Variants in ZBTB8OS observed in about 807,000 individuals in gnomAD.
ZBTB8OS encodes the protein tRNA splicing ligase complex subunit 1, also known as tRNA-splicing ligase-activating factor archease.
A neutral mutation model predicts 29.3 loss-of-function variants in ZBTB8OS; 16 were observed. The observed-to-expected ratio is 0.55, with a 90% CI of 0.37 to 0.83. ZBTB8OS has a LOEUF of 0.83. Ranked by LOEUF, ZBTB8OS falls within the 40% of genes least tolerant of loss-of-function variation. The pLI, the probability that ZBTB8OS is intolerant of heterozygous loss-of-function variation, is 0.00. For synonymous variants in ZBTB8OS, 70 were observed against 64.6 expected (o/e 1.08, Z -0.40); for missense variants, 160 against 196.9 (o/e 0.81, Z 1.12).
chr1:32,634,683 A>T, intron 2 of ZBTB8OS, 85 bp downstream of exon 2: 1 of 1,578,252 alleles, frequency 6.3e-7, no homozygotes. Flanking sequence ...GAGAGGAGAA[A>T]AATTAAAGAT....
At chr1:32,644,068 G>A (rs1646646385) in intron 1 of ZBTB8OS, among the ~76,000 whole-genome samples, 1 of 152,106 alleles carries the variant, frequency 6.6e-6, no homozygotes, top group South Asian at 2.1e-4. Context: ...GGGAGGGGGG[G>A]TCTAGTTAAA....
chr1:32,628,343 C>T (rs1180989275), intron 5 of ZBTB8OS, among the ~76,000 whole-genome samples: 3 of 131,972 alleles, frequency 2.3e-5, no homozygotes, highest in East Asian at 4.7e-4. Flanking sequence ...GGCAACAGAG[C>T]GAAATGAAAA....
intron 5 of ZBTB8OS, among the ~76,000 whole-genome samples, chr1:32,631,312 A>C (rs1433017372): frequency 1.3e-5 from 2 of 150,980 alleles, no homozygotes; most frequent in Admixed American, 6.6e-5. Flanking sequence ...CCATGACCAC[A>C]CCACTGTACT....
chr1:32,643,868 G>A (rs908004238), intron 1 of ZBTB8OS, among the ~76,000 whole-genome samples: 4 of 150,650 alleles, frequency 2.7e-5, no homozygotes, highest in Non-Finnish European at 4.4e-5. Flanking sequence ...TGCACAGGTT[G>A]CTCAAACTCC....
Position 32,633,720 on chromosome 1 carries a change from G to T in ZBTB8OS, c.252C>A (p.Asp84Glu). ...QTVEVETQGD[D>E]LQSLLFHFLD... The stretch of plus-strand genomic sequence containing the variant: ...AAAAGTGAAACAGAAGAGACTGTAA[G>T]TCATCTCCTACACAAGATCAAATAG... Residue 84 changes from aspartate to glutamate, a missense_variant, in exon 4 of 7, where the codon GAC (aspartate) becomes GAA (glutamate). Physicochemically the swap from Asp to Glu is conservative, Grantham distance 45. Transcript: ENST00000468695. The T allele has an allele frequency of 3.1e-6, 5 of 1,603,522 alleles. No individual in the cohort carries two copies. Among genetic ancestry groups the T allele is most frequent in the Non-Finnish European group, 4.3e-6 (5 of 1,176,120 alleles).
chr1:32,647,195 C>G (rs981523881), intron 1 of ZBTB8OS, among the ~76,000 whole-genome samples: 2 of 150,276 alleles, frequency 1.3e-5, no homozygotes, highest in Non-Finnish European at 3.0e-5. Flanking sequence ...ATGGAGAAAC[C>G]CCATCTCTAC....
At chr1:32,629,465 AAAT>A in intron 5 of ZBTB8OS, among the ~76,000 whole-genome samples, 1 of 152,232 alleles carries the variant, frequency 6.6e-6, no homozygotes, top group African/African-American at 2.4e-5. Flanking sequence ...AAAACTAATT[AAAT>A]AATACCTCCC....
intron 1 of ZBTB8OS, among the ~76,000 whole-genome samples, chr1:32,641,616 A>C (rs1165576367): frequency 5.4e-5 from 8 of 147,838 alleles, no homozygotes; most frequent in Non-Finnish European, 1.2e-4. Context: ...AACATGCCAC[A>C]AAAGTACTTT....
chr1:32,622,546 G>A (rs1644827300), intron 6 of ZBTB8OS, among the ~76,000 whole-genome samples: 1 of 152,020 alleles, frequency 6.6e-6, no homozygotes, highest in African/African-American at 2.4e-5. Flanking sequence ...CACAAAGAGG[G>A]AAACAAGACA....
chr1:32,629,068 A>G (rs1386877894), intron 5 of ZBTB8OS, among the ~76,000 whole-genome samples: 1 of 152,210 alleles, frequency 6.6e-6, no homozygotes, highest in Non-Finnish European at 1.5e-5. Flanking sequence ...ATATTGTTTC[A>G]AAACAGAGTA....
intron 5 of ZBTB8OS, 98 bp downstream of exon 5, chr1:32,631,729 G>T: frequency 1.2e-6 from 1 of 867,212 alleles, no homozygotes; most frequent in Non-Finnish European, 1.8e-6. Context: ...CAATCTGCAA[G>T]TGGCCCTCTG....
chr1:32,646,623 C>G (rs953171623), intron 1 of ZBTB8OS, among the ~76,000 whole-genome samples: 1 of 150,878 alleles, frequency 6.6e-6, no homozygotes, highest in African/African-American at 2.4e-5. Context: ...CTCCTGACCT[C>G]GTGATCCGCC....
intron 1 of ZBTB8OS, among the ~76,000 whole-genome samples, chr1:32,640,303 T>C (rs760077407): frequency 3.9e-5 from 6 of 152,120 alleles, no homozygotes; most frequent in Non-Finnish European, 7.3e-5. Context: ...GGTTTCACCA[T>C]GTTAGTCAGA....
At position 32,621,274 on chromosome 1, in the gene ZBTB8OS, CT is replaced by C. The variant is rs1257003340; in HGVS notation, c.*587del. ...ATTAGCCGGGCATGGTGGCGGGTGC[CT>C]ATAGTCCCAGCTACTCGGGAGGCTG... On this transcript the variant is annotated 3_prime_UTR_variant, in exon 7 of 7. Coordinates refer to ENST00000468695, the MANE Select transcript of ZBTB8OS (RefSeq NM_178547.5). The C allele has an allele frequency of 5.3e-5, 8 of 152,352 alleles. No individual in the cohort carries two copies. The highest frequency in any genetic ancestry group is 1.9e-4 in the African/African-American group (8 of 41,406). The allele number at this position is 152,352 out of a possible 1,614,324, so 9.4% of individuals were successfully genotyped here. A position where few individuals can be genotyped will look rare whatever the true frequency, so the allele number is the denominator to read the frequency against.
At chr1:32,649,780 T>C (rs1160661551) in intron 1 of ZBTB8OS, among the ~76,000 whole-genome samples, 1 of 151,784 alleles carries the variant, frequency 6.6e-6, no homozygotes, top group Admixed American at 6.6e-5. Context: ...TTCTCCTGCC[T>C]CAGTCTCCCG....
chr1:32,628,561 A>G lies in ZBTB8OS; in HGVS notation c.381-1017T>C, dbSNP rs548938548. Among the ~76,000 whole-genome samples, 20 of 151,998 alleles carry G rather than the reference A, an allele frequency of 1.3e-4. No individual in the cohort carries two copies. In the South Asian group the frequency reaches 3.5e-3, roughly 27 times the overall value. ...CTGAGGCAGGAGAATCGCTTGAGCCAGGAGGCGGAGATTGCAGTGAGCTGA... is the reference window on the plus strand; with the variant it reads ...CTGAGGCAGGAGAATCGCTTGAGCCGGGAGGCGGAGATTGCAGTGAGCTGA... On this transcript the variant is annotated intron_variant, in intron 5 of 6. Transcript: ENST00000468695.
chr1:32,631,376 A>G (rs1432969649), intron 5 of ZBTB8OS, among the ~76,000 whole-genome samples: 1 of 151,894 alleles, frequency 6.6e-6, no homozygotes, highest in Admixed American at 6.6e-5. Context: ...AAAAGAAAAA[A>G]AAGAAAAAAC....
intron 1 of ZBTB8OS, 76 bp from the exon 2 acceptor site, chr1:32,634,868 CCATT>C: frequency 1.0e-6 from 1 of 988,724 alleles, no homozygotes; most frequent in Non-Finnish European, 1.6e-6. Context: ...TAACTCTAGT[CCATT>C]ATTATTAGGA....
chr1:32,633,860 T>G, intron 3 of ZBTB8OS, 91 bp downstream of exon 3: 2 of 1,508,704 alleles, frequency 1.3e-6, no homozygotes, highest in Non-Finnish European at 1.8e-6. Context: ...TTCTGGTTCT[T>G]TTTGTGAAAA....
Sources: allele counts gnomAD v4.1 joint callset (sites outside exome capture counted in the v4.1 genomes callset), GRCh38; gene constraint gnomAD v4.1.1; transcripts MANE v1.5; gene names NCBI Gene and HGNC (gene_info 2026-07-23, HGNC 2026-07-21).